Variants in DNAH17 observed in about 807,000 individuals in gnomAD.
The protein encoded by DNAH17 is dynein axonemal heavy chain 17.
Under a neutral mutation model 485.6 loss-of-function variants are expected in DNAH17, and 376 were observed. That is an observed-to-expected ratio of 0.77 (90% CI 0.71 to 0.84). The LOEUF (loss-of-function observed/expected upper bound fraction) is 0.84, where lower values mean the gene tolerates loss of function less well. Among genes scored for constraint, DNAH17 ranks in the 40% least tolerant of loss-of-function variants. The pLI, the probability that DNAH17 is intolerant of heterozygous loss-of-function variation, is 0.00. For synonymous variants in DNAH17, 3,031 were observed against 2,405.9 expected, an observed-to-expected ratio of 1.26 and a Z score of -7.60; for missense variants, 6,370 against 5,839.3, an observed-to-expected ratio of 1.09 and a Z score of -2.96.
chr17:78,472,186 C>G (rs534941596), intron 54 of DNAH17, among the ~76,000 whole-genome samples: 6 of 151,260 alleles, frequency 4.0e-5, no homozygotes, highest in Admixed American at 2.0e-4. Flanking sequence ...AGTAGACAGG[C>G]AGGACACGGA....
intron 54 of DNAH17, among the ~76,000 whole-genome samples, chr17:78,471,907 C>G (rs543896599): frequency 6.6e-6 from 1 of 152,188 alleles, no homozygotes; most frequent in Non-Finnish European, 1.5e-5. Context: ...GTGCGATGGC[C>G]GCCTCATCCC....
intron 44 of DNAH17, among the ~76,000 whole-genome samples, chr17:78,487,700 T>A (rs942669434): frequency 6.6e-6 from 1 of 152,184 alleles, no homozygotes; most frequent in Non-Finnish European, 1.5e-5. Context: ...AATTTTCATA[T>A]TTTTAGTAGA....
intron 14 of DNAH17, among the ~76,000 whole-genome samples, chr17:78,556,132 C>T (rs908684442): frequency 2.0e-5 from 3 of 152,152 alleles, no homozygotes; most frequent in Non-Finnish European, 4.4e-5. Flanking sequence ...TCTATCCCCC[C>T]CATCTATAGC....
At chr17:78,544,656 G>A (rs930603468) in intron 16 of DNAH17, among the ~76,000 whole-genome samples, 4 of 151,996 alleles carry the variant, frequency 2.6e-5, no homozygotes, top group African/African-American at 7.2e-5. Flanking sequence ...CAAAAAATTA[G>A]CCGCGCATGG....
At position 78,529,629 on chromosome 17, in the gene DNAH17, C is replaced by G. The variant is rs1479145161; in HGVS notation, c.3350G>C (p.Gly1117Ala). 1 of 1,614,006 alleles carries G rather than the reference C, an allele frequency of 6.2e-7. No homozygotes were observed. The highest frequency in any genetic ancestry group is 1.1e-5 in the South Asian group (1 of 91,076). ...RMGLTKPLKEGDYDGLVEVMG... is the reference protein window; with the variant it reads ...RMGLTKPLKEADYDGLVEVMG... ...CACCTCCACAAGCCCATCATAGTCC[C>G]CCTCCTTGAGGGGCTTGGTCAAGCC... Residue 1117 changes from glycine (G) to alanine (A), a missense_variant, in exon 22 of 81, where the codon GGG (glycine) becomes GCG (alanine). By Grantham distance (60) the Gly-to-Ala change is moderately conservative. Transcript: ENST00000389840.
At position 78,485,030 on chromosome 17, in the gene DNAH17, A is replaced by G; in HGVS notation, c.7487T>C (p.Val2496Ala). ...FYTTSAMLQG[V>A]LEKPLEKKSG... ...TTTCTTCTCCAGCGGCTTCTCCAGC[A>G]CCCCTAGAGAGGGCAGAGGGTCAGC... The change falls in exon 48 of 81, where the codon GTG becomes GCG. Residue 2496 changes from valine (V) to alanine (A), a missense_variant. Val to Ala is a moderately conservative substitution (Grantham distance 64). Coordinates refer to ENST00000389840, the MANE Select transcript of DNAH17 (RefSeq NM_173628.4). The G allele has an allele frequency of 1.2e-6, 2 of 1,604,884 alleles. No individual in the cohort carries two copies. Among genetic ancestry groups the G allele is most frequent in the South Asian group, 1.1e-5 (1 of 89,612 alleles).
intron 36 of DNAH17, chr17:78,499,697 T>TCCTCAG (rs1394189693): frequency 1.3e-5 from 2 of 152,492 alleles, no homozygotes; most frequent in Non-Finnish European, 2.9e-5. Context: ...GCTGGTCCCA[T>TCCTCAG]CCTCAGCCTC....
intron 62 of DNAH17, among the ~76,000 whole-genome samples, chr17:78,457,197 C>A (rs779308565): frequency 3.3e-5 from 5 of 152,152 alleles, no homozygotes; most frequent in Non-Finnish European, 7.3e-5. Context: ...ATGGTGAAAC[C>A]CTGTCTCTAC....
At chr17:78,518,127 A>G (rs1003007941) in intron 25 of DNAH17, among the ~76,000 whole-genome samples, 1 of 152,262 alleles carries the variant, frequency 6.6e-6, no homozygotes, top group African/African-American at 2.4e-5. Context: ...AATGGCAGAC[A>G]TAGGCTGTAA....
rs115840480 is a variant in DNAH17, at chr17:78,543,025, G to A, written c.2532+832C>T. 7.6e-3 allele frequency among the ~76,000 whole-genome samples: 1,151 copies of A among 152,344 alleles called. 14 individuals carry two copies. Among genetic ancestry groups the A allele is most frequent in the African/African-American group, 0.026 (1,077 of 41,580 alleles). ...GCTCTGGTACCCTTAGCAGAGGGCA[G>A]GCCCATCATAAGAGGAACCAGGCTT... On this transcript the variant is annotated intron_variant, in intron 17 of 80. Transcript: ENST00000389840.
intron 55 of DNAH17, among the ~76,000 whole-genome samples, chr17:78,467,304 T>C (rs912155384): frequency 9.2e-5 from 14 of 152,160 alleles, no homozygotes; most frequent in African/African-American, 3.4e-4. Flanking sequence ...TTGTAATGGG[T>C]CTCAGCCTCC....
At chr17:78,543,020 G>A (rs938278022) in intron 17 of DNAH17, among the ~76,000 whole-genome samples, 1 of 152,266 alleles carries the variant, frequency 6.6e-6, no homozygotes, top group Non-Finnish European at 1.5e-5. Context: ...CCTTAGCAGA[G>A]GGCAGGCCCA....
Position 78,434,220 on chromosome 17 carries a change from C to T in DNAH17, c.12034G>A (p.Asp4012Asn). 1 of 1,602,076 alleles carries T rather than the reference C, an allele frequency of 6.2e-7. No individual in the cohort carries two copies. Among genetic ancestry groups the T allele is most frequent in the Non-Finnish European group, 8.5e-7 (1 of 1,171,026 alleles). Residue 4012 changes from aspartate (D) to asparagine (N), a missense_variant and splice_region_variant, in exon 75 of 81, where the codon GAC becomes AAC. Coordinates refer to ENST00000389840, the MANE Select transcript of DNAH17 (RefSeq NM_173628.4). ...TCCTTGGTGCACATCTCCAGGGTGTCCTGTGGGGCACACGCTCCGGTCAGG... is the reference window on the plus strand; with the variant it reads ...TCCTTGGTGCACATCTCCAGGGTGTTCTGTGGGGCACACGCTCCGGTCAGG... ...LHKALDLFTQ[D>N]TLEMCTKEME...
intron 75 of DNAH17, among the ~76,000 whole-genome samples, chr17:78,432,213 A>AAATAAATAAATAAATAAATAAATAAAATT (rs1568042512): frequency 1.3e-5 from 2 of 151,562 alleles, no homozygotes; most frequent in African/African-American, 4.9e-5. Flanking sequence ...TAAAATAAAT[A>AAATAAATAAATAAATAAATAAATAAAATT]AAAATTAAAA....
intron 61 of DNAH17, 136 bp from the exon 62 acceptor site, chr17:78,458,816 TG>T: frequency 1.9e-6 from 2 of 1,040,162 alleles, no homozygotes; most frequent in Non-Finnish European, 2.9e-6. Flanking sequence ...CTCTGGAGCA[TG>T]GAGGCTAAGG....
chr17:78,483,303 G>A (rs2089432901), intron 48 of DNAH17, among the ~76,000 whole-genome samples: 1 of 152,204 alleles, frequency 6.6e-6, no homozygotes, highest in Non-Finnish European at 1.5e-5. Flanking sequence ...GTGAGGAAAA[G>A]GCAAGTGATG....
In DNAH17 at chr17:78,525,145, G is replaced by A. The variant is rs1490607656; in HGVS notation, c.3728C>T (p.Ser1243Phe). 2 of 1,613,230 alleles carry A rather than the reference G, an allele frequency of 1.2e-6. No homozygotes were observed. The highest frequency in any genetic ancestry group is 1.7e-5 in the Admixed American group (1 of 60,004). ...KSLNKQQKSI[S>F]AMEGIMEALS... is the part of the protein sequence containing the mutation. ...CGCCTCCATGATGCCTTCCATGGCG[G>A]AGATGCTCTTTTGTTGCTAGGGGCG... Residue 1243 changes from serine (S) to phenylalanine (F), a missense_variant, in exon 25 of 81, where the codon TCC becomes TTC. By Grantham distance (155) the Ser-to-Phe change is radical (BLOSUM62 -2). Transcript: ENST00000389840.
intron 42 of DNAH17, 23 bp from the exon 43 acceptor site, chr17:78,491,593 C>T (rs752046568): frequency 1.7e-5 from 28 of 1,611,334 alleles, no homozygotes; most frequent in East Asian, 2.2e-5. Context: ...CGTGGTATGA[C>T]CCCGGGCCCT....
At chr17:78,455,029 C>T (rs1196050890) in intron 63 of DNAH17, among the ~76,000 whole-genome samples, 5 of 152,132 alleles carry the variant, frequency 3.3e-5, no homozygotes. Flanking sequence ...CCTGCCTTGG[C>T]CTTCTGGGTA....
Sources: allele counts gnomAD v4.1 joint callset (sites outside exome capture counted in the v4.1 genomes callset), GRCh38; gene constraint gnomAD v4.1.1; transcripts MANE v1.5; gene names NCBI Gene and HGNC (gene_info 2026-07-23, HGNC 2026-07-21).